Variants in PTPN4 observed in about 807,000 individuals in gnomAD.
PTPN4 encodes tyrosine-protein phosphatase non-receptor type 4.
Under a neutral mutation model 135.5 loss-of-function variants are expected in PTPN4, and 49 were observed. The observed-to-expected ratio is 0.36, with a 90% CI of 0.29 to 0.46. The LOEUF (loss-of-function observed/expected upper bound fraction) is 0.46, where lower values mean the gene tolerates loss of function less well. Ranked by LOEUF, PTPN4 falls within the 20% of genes least tolerant of loss-of-function variation. PTPN4 has a pLI of 1.00. For missense variants in PTPN4, 860 were observed against 1,101.0 expected, an observed-to-expected ratio of 0.78 and a Z score of 3.10; for synonymous variants, 333 against 369.9, an observed-to-expected ratio of 0.90 and a Z score of 1.14.
At chr2:119,868,944 C>T (rs150177607) in intron 3 of PTPN4, among the ~76,000 whole-genome samples, 4,063 of 152,112 alleles carry the variant, frequency 0.027, 88 homozygotes, top group African/African-American at 0.069. Flanking sequence ...TTAGGGTCTC[C>T]CCGACTGAGC....
intron 1 of PTPN4, among the ~76,000 whole-genome samples, chr2:119,778,732 T>C (rs1690884455): frequency 6.6e-6 from 1 of 152,218 alleles, no homozygotes; most frequent in Admixed American, 6.5e-5. Flanking sequence ...ATTTAATATA[T>C]AGTTAATATA....
rs77406331 is a variant in PTPN4, at chr2:119,973,149, A to T, written c.2695-3835A>T. The stretch of plus-strand genomic sequence containing the variant: ...GCAAAACCAAAACTCTATATCCATT[A>T]AAAAAAACTCCCCATTTTCTCCTCT... On this transcript the variant is annotated intron_variant, in intron 26 of 26. Transcript: ENST00000263708. Among the ~76,000 whole-genome samples the T allele has an allele frequency of 7.2e-5, 11 of 151,948 alleles. No homozygotes were observed. The East Asian group carries it at 9.7e-4, about 13-fold the overall frequency.
At chr2:119,915,134 TTA>T (rs755088339) in intron 10 of PTPN4, 43 bp from the exon 11 acceptor site, 1 of 1,409,136 alleles carries the variant, frequency 7.1e-7, no homozygotes, top group African/African-American at 1.5e-5. Flanking sequence ...GTTAATATTT[TTA>T]TCATTATTCA....
chr2:119,800,980 G>C (rs1691352155), intron 1 of PTPN4, among the ~76,000 whole-genome samples: 1 of 150,832 alleles, frequency 6.6e-6, no homozygotes, highest in Non-Finnish European at 1.5e-5. Flanking sequence ...TCTGGGAGAG[G>C]GATTCCCAGT....
intron 2 of PTPN4, among the ~76,000 whole-genome samples, chr2:119,817,349 A>G (rs573870151): frequency 6.8e-6 from 1 of 147,390 alleles, no homozygotes; most frequent in African/African-American, 2.5e-5. Flanking sequence ...TTTTTTTAAT[A>G]CTTTAATTTC....
Position 119,760,288 on chromosome 2 carries a change from C to G in PTPN4, c.-114C>G, listed in dbSNP as rs1193133389. On this transcript the variant is annotated 5_prime_UTR_variant, in exon 1 of 27. Transcript: ENST00000263708. The stretch of plus-strand genomic sequence containing the variant: ...GCTGCTCGGGGGGCGCTGAGGTAGC[C>G]CCCCGGAGCGGCACGGAGGACGCGC... The G allele has an allele frequency of 5.1e-6, 2 of 395,882 alleles. No individual in the cohort carries two copies. The highest frequency in any genetic ancestry group is 8.9e-6 in the Non-Finnish European group (2 of 224,378). 24.5% of individuals were successfully genotyped at this position (395,882 alleles called of 1,614,324 possible). A position where few individuals can be genotyped will look rare whatever the true frequency, so the allele number is the denominator to read the frequency against.
intron 11 of PTPN4, among the ~76,000 whole-genome samples, chr2:119,919,659 C>T (rs1208884019): frequency 6.6e-5 from 10 of 152,124 alleles, no homozygotes; most frequent in South Asian, 6.2e-4. Context: ...CCCGTCTCTA[C>T]TAAACATAGA....
In PTPN4 at chr2:119,970,499, A is replaced by G. The variant is rs75682549; in HGVS notation, c.2694+2527A>G. On this transcript the variant is annotated intron_variant, in intron 26 of 26. Transcript: ENST00000263708. ...CAACCTCCAATCTAGGCAATCACCA[A>G]TCTACTTTCTTTCTCTGTAGAGTTG... Among the ~76,000 whole-genome samples, 1,038 of 152,176 alleles carry G rather than the reference A, an allele frequency of 6.8e-3. 10 individuals are homozygous for G. Among genetic ancestry groups the G allele is most frequent in the African/African-American group, 0.024 (990 of 41,520 alleles).
intron 18 of PTPN4, among the ~76,000 whole-genome samples, chr2:119,947,300 G>A (rs1264636251): frequency 6.6e-6 from 1 of 152,174 alleles, no homozygotes; most frequent in Non-Finnish European, 1.5e-5. Flanking sequence ...CAGCCTGAGA[G>A]AGGGAGGCCA....
chr2:119,929,473 T>G (rs1282778585), intron 13 of PTPN4, among the ~76,000 whole-genome samples: 1 of 152,138 alleles, frequency 6.6e-6, no homozygotes, highest in African/African-American at 2.4e-5. Context: ...CACCTCTTTG[T>G]GTTCGCCTCA....
At chr2:119,957,803 A>G (rs1323829419) in intron 22 of PTPN4, among the ~76,000 whole-genome samples, 21 of 152,214 alleles carry the variant, frequency 1.4e-4, no homozygotes, top group Admixed American at 1.3e-3. Flanking sequence ...GCAGATCTTT[A>G]TATCATATCG....
chr2:119,789,552 C>A (rs1481005046), intron 1 of PTPN4, among the ~76,000 whole-genome samples: 1 of 152,082 alleles, frequency 6.6e-6, no homozygotes, highest in African/African-American at 2.4e-5. Flanking sequence ...GTTGTGTATG[C>A]AGGGGTTTAT....
intron 1 of PTPN4, among the ~76,000 whole-genome samples, chr2:119,762,227 A>C (rs899078184): frequency 3.6e-4 from 55 of 152,076 alleles, no homozygotes; most frequent in African/African-American, 1.3e-3. Flanking sequence ...AAAAGTATAG[A>C]TCTCTCATAC....
intron 10 of PTPN4, among the ~76,000 whole-genome samples, chr2:119,910,369 A>C (rs980179116): frequency 5.3e-5 from 8 of 152,196 alleles, no homozygotes; most frequent in African/African-American, 1.9e-4. Context: ...TTATCACAGT[A>C]TTCGCTTTAG....
intron 2 of PTPN4, among the ~76,000 whole-genome samples, chr2:119,823,807 A>G (rs1677106246): frequency 6.6e-6 from 1 of 152,162 alleles, no homozygotes. Context: ...GAATCTGTTG[A>G]AAGAGATGTT....
chr2:119,769,100 G>A (rs548658627), intron 1 of PTPN4, among the ~76,000 whole-genome samples: 7 of 152,290 alleles, frequency 4.6e-5, no homozygotes, highest in African/African-American at 1.7e-4. Flanking sequence ...TTAGGAAGAG[G>A]CACACTGACA....
At chr2:119,762,328 A>G (rs1690523037) in intron 1 of PTPN4, among the ~76,000 whole-genome samples, 1 of 151,946 alleles carries the variant, frequency 6.6e-6, no homozygotes, top group South Asian at 2.1e-4. Flanking sequence ...AGATGGTAAT[A>G]AAAACTTTTC....
chr2:119,870,052 G>C (rs1249646850), intron 3 of PTPN4, among the ~76,000 whole-genome samples: 4 of 152,198 alleles, frequency 2.6e-5, no homozygotes, highest in Non-Finnish European at 5.9e-5. Flanking sequence ...GAATAAAGCT[G>C]TGTGTTAGGG....
intron 3 of PTPN4, among the ~76,000 whole-genome samples, chr2:119,863,945 C>G (rs1677795288): frequency 6.6e-6 from 1 of 152,020 alleles, no homozygotes; most frequent in Admixed American, 6.6e-5. Context: ...CAGGTTGAAC[C>G]TAAAATAATC....
Sources: gnomAD v4.1 joint callset for allele counts (sites outside exome capture counted in the v4.1 genomes callset) on GRCh38, gnomAD v4.1.1 for gene constraint, MANE v1.5 for transcripts, NCBI Gene and HGNC (gene_info 2026-07-23, HGNC 2026-07-21) for gene names.